NPR1: variants seen among roughly 807,000 people sequenced by gnomAD.
NPR1 encodes the protein atrial natriuretic peptide receptor 1.
NPR1 carries 57 observed loss-of-function variants against 116.9 expected under a neutral mutation model. That is an observed-to-expected ratio of 0.49 (90% confidence interval 0.39 to 0.61). NPR1 has a LOEUF of 0.61. Among genes scored for constraint, NPR1 ranks in the 20% least tolerant of loss-of-function variants. The pLI is 0.00. For synonymous variants in NPR1, 555 were observed against 601.6 expected (o/e 0.92, Z 1.13); for missense variants, 1,096 against 1,409.8 (o/e 0.78, Z 3.56).
chr1:153,682,436 G>C lies in NPR1; in HGVS notation c.1172-62G>C, dbSNP rs1390757757. 7 of 1,199,988 alleles carry C rather than the reference G, an allele frequency of 5.8e-6. No individual in the cohort carries two copies. The African/African-American group carries it at 1.0e-4, about 18-fold the overall frequency. The allele number at this position is 1,199,988 out of a possible 1,614,324, so 74.3% of individuals were successfully genotyped here. The stretch of plus-strand genomic sequence containing the variant: ...AAAAAAGATTAGAGGATGAAGAGAT[G>C]AAGTGGGGCACCCCTGAACTTCTAT... On this transcript the variant is annotated intron_variant, in intron 4 of 21. Coordinates refer to ENST00000368680, the MANE Select transcript of NPR1 (RefSeq NM_000906.4).
Position 153,681,843 on chromosome 1 carries a change from A to G in NPR1, c.1171+4A>G. 1 of 1,613,472 alleles carries G rather than the reference A, an allele frequency of 6.2e-7. No individual in the cohort carries two copies. Among genetic ancestry groups the G allele is most frequent in the Non-Finnish European group, 8.5e-7 (1 of 1,179,746 alleles). ...ATGTGGAACCGAAGCTTTCAAGGTC[A>G]GGGCCTGGAGGTGGCTGGAATGGGC... is the stretch of plus-strand genomic sequence containing the variant. On this transcript the variant is annotated splice_donor_region_variant and intron_variant, in intron 4 of 21. Coordinates refer to ENST00000368680, the MANE Select transcript of NPR1 (RefSeq NM_000906.4).
At chr1:153,686,307 G>A in intron 10 of NPR1, 107 bp downstream of exon 10, 1 of 1,101,722 alleles carries the variant, frequency 9.1e-7, no homozygotes, top group South Asian at 1.3e-5. Flanking sequence ...CCCCAAGAAA[G>A]GGGCAGGGAC....
At position 153,687,706 on chromosome 1, in the gene NPR1, T is replaced by C; in HGVS notation, c.2165T>C (p.Val722Ala). ...GTGCGGGGCTCCCAGGCTGGTGACG[T>C]ATACAGCTTTGGGATCATCCTTCAG... Reference protein sequence around the residue: ...PPVRGSQAGDVYSFGIILQEI... With the variant: ...PPVRGSQAGDAYSFGIILQEI... Residue 722 changes from valine to alanine, a missense_variant, in exon 14 of 22, where the codon GTA (valine) becomes GCA (alanine). Coordinates refer to ENST00000368680, the MANE Select transcript of NPR1 (RefSeq NM_000906.4). The C allele has an allele frequency of 6.2e-7, 1 of 1,608,858 alleles. No individual in the cohort carries two copies. The highest frequency in any genetic ancestry group is 1.1e-5 in the South Asian group (1 of 90,948).
intron 6 of NPR1, 113 bp downstream of exon 6, chr1:153,683,624 CT>C: frequency 6.5e-7 from 1 of 1,546,364 alleles, no homozygotes; most frequent in Non-Finnish European, 8.9e-7. Flanking sequence ...AGAATGACTC[CT>C]GCCTTTTTCT....
chr1:153,692,995 GA>G (rs140689578), intron 20 of NPR1, 110 bp from the exon 21 acceptor site: 11 of 860,402 alleles, frequency 1.3e-5, no homozygotes, highest in Admixed American at 2.4e-5. Flanking sequence ...AAGAGGGAGA[GA>G]GGGTACCTGT....
At chr1:153,680,167 C>T (rs1323456002) in intron 1 of NPR1, among the ~76,000 whole-genome samples, 1 of 150,764 alleles carries the variant, frequency 6.6e-6, no homozygotes, top group Non-Finnish European at 1.5e-5. Flanking sequence ...CATTGCGCCT[C>T]ATCCCCTCTC....
Position 153,679,772 on chromosome 1 carries a change from G to T in NPR1, c.664G>T (p.Glu222Ter). Residue 222 changes from glutamate to a stop codon, truncating the protein, a stop_gained, in exon 1 of 22, where the codon GAG (glutamate) becomes TAG (stop). Coordinates refer to ENST00000368680, the MANE Select transcript of NPR1 (RefSeq NM_000906.4). LOFTEE classifies it high-confidence loss of function. The surrounding 1 kb of genome is among the most constrained non-coding windows in gnomAD (Gnocchi z 4.2). ...NITVDHLEFA[E>*]DDLSHYTRLL... ...TACGGTGGACCACCTGGAGTTCGCC[G>T]AGGACGACCTCAGCCACTACACCAG... The T allele has an allele frequency of 6.4e-7, 1 of 1,567,592 alleles. No homozygotes were observed.
chr1:153,678,963 G>A lies in NPR1; in HGVS notation c.-146G>A, dbSNP rs567965890. 2 of 1,075,962 alleles carry A rather than the reference G, an allele frequency of 1.9e-6. No individual in the cohort carries two copies. The highest frequency in any genetic ancestry group is 2.2e-5 in the South Asian group (1 of 45,924). The allele number at this position is 1,075,962 out of a possible 1,614,324, so 66.7% of individuals were successfully genotyped here. On this transcript the variant is annotated 5_prime_UTR_variant, in exon 1 of 22. Coordinates refer to ENST00000368680, the MANE Select transcript of NPR1 (RefSeq NM_000906.4). This position sits in a 1 kb window ranked among gnomAD's most constrained non-coding sequence, Gnocchi z 5.8. ...GCCCAGACCGTCGCAGCTACAGGGGGCCTCGAGCCCCGGGGTGAGCGTCCC... is the reference window on the plus strand; with the variant it reads ...GCCCAGACCGTCGCAGCTACAGGGGACCTCGAGCCCCGGGGTGAGCGTCCC...
intron 19 of NPR1, 66 bp downstream of exon 19, chr1:153,690,046 T>C (rs1271895339): frequency 3.6e-6 from 5 of 1,375,842 alleles, no homozygotes; most frequent in East Asian, 2.6e-5. Context: ...ACTTGTCCCC[T>C]GGCCCAGCCC....
Position 153,686,128 on chromosome 1 carries a change from C to T in NPR1, c.1686C>T (p.Asn562=), listed in dbSNP as rs1669921126. 6.2e-7 allele frequency: 1 copy of T among 1,613,930 alleles called. No individual in the cohort carries two copies. Among genetic ancestry groups the T allele is most frequent in the African/African-American group, 1.3e-5 (1 of 74,932 alleles). The change falls in exon 10 of 22, where the codon AAC becomes AAT. Residue 562 remains asparagine, a synonymous_variant. Coordinates refer to ENST00000368680, the MANE Select transcript of NPR1 (RefSeq NM_000906.4). ...AGTCTCCATTCCATGCCCAGGGCAA[C>T]CTCGTGGCTGTGAAACGTGTGAACC... ...VFAKTAYYKG[N]LVAVKRVNRK...
intron 3 of NPR1, 72 bp downstream of exon 3, chr1:153,681,365 T>A: frequency 1.1e-6 from 1 of 872,174 alleles, no homozygotes; most frequent in Non-Finnish European, 1.9e-6. Context: ...CCAGCCTCCA[T>A]CCTTCCCTAT....
At chr1:153,683,863 C>G in intron 7 of NPR1, 39 bp downstream of exon 7, 1 of 1,582,416 alleles carries the variant, frequency 6.3e-7, no homozygotes, top group Non-Finnish European at 8.7e-7. Flanking sequence ...GGCTGGGGGA[C>G]CCGGAGAACC....
At position 153,679,940 on chromosome 1, in the gene NPR1, G is replaced by T; in HGVS notation, c.721+111G>T. 5.0e-6 allele frequency: 7 copies of T among 1,393,106 alleles called. No homozygotes were observed. The highest frequency in any genetic ancestry group is 6.7e-6 in the Non-Finnish European group (7 of 1,046,552). The allele number at this position is 1,393,106 out of a possible 1,614,324, so 86.3% of individuals were successfully genotyped here. A position where few individuals can be genotyped will look rare whatever the true frequency, so the allele number is the denominator to read the frequency against. ...TCTGGGGGCACTCTTCTTTCTCCTC[G>T]CCGTTCTTCATTCTACTTTCAGCTC... On this transcript the variant is annotated intron_variant, in intron 1 of 21. Coordinates refer to ENST00000368680, the MANE Select transcript of NPR1 (RefSeq NM_000906.4). This position sits in a 1 kb window ranked among gnomAD's most constrained non-coding sequence, Gnocchi z 4.2.
In NPR1 at chr1:153,687,104, C is replaced by A. The variant is rs1186704091; in HGVS notation, c.1935+17C>A. 1 of 1,614,040 alleles carries A rather than the reference C, an allele frequency of 6.2e-7. No homozygotes were observed. The highest frequency in any genetic ancestry group is 1.3e-5 in the African/African-American group (1 of 75,020). On this transcript the variant is annotated intron_variant, in intron 12 of 21. Coordinates refer to ENST00000368680, the MANE Select transcript of NPR1 (RefSeq NM_000906.4). ...ATCGTCAAGGTATGCCCCTAAGCACCTATTGGATGTGTAGAGCAGGGGCCA... is the reference window on the plus strand; with the variant it reads ...ATCGTCAAGGTATGCCCCTAAGCACATATTGGATGTGTAGAGCAGGGGCCA...
At position 153,693,337 on chromosome 1, in the gene NPR1, CTT is replaced by C. The variant is rs746090905; in HGVS notation, c.3124-10_3124-9del. ...CATGTGCCACTCCCCAGCCCATCCT[CTT>C]TTTTCCCTCCAGGGCAAAGGCAAGG... On this transcript the variant is annotated splice_polypyrimidine_tract_variant and intron_variant, in intron 21 of 21. Transcript: ENST00000368680. The C allele has an allele frequency of 1.2e-6, 2 of 1,612,606 alleles. No individual in the cohort carries two copies. Among genetic ancestry groups the C allele is most frequent in the East Asian group, 4.5e-5 (2 of 44,840 alleles).
At chr1:153,692,943 A>G (rs1181550254) in intron 20 of NPR1, among the ~76,000 whole-genome samples, 163 bp from the exon 21 acceptor site, 1 of 152,188 alleles carries the variant, frequency 6.6e-6, no homozygotes, top group African/African-American at 2.4e-5. Context: ...CACTACATTC[A>G]GGGGGTGGGG....
chr1:153,682,057 T>C (rs1457268151), intron 4 of NPR1, among the ~76,000 whole-genome samples: 2 of 150,100 alleles, frequency 1.3e-5, no homozygotes, highest in African/African-American at 5.0e-5. Context: ...TTCTTTTTCT[T>C]TTTTCTTTTT....
chr1:153,687,404 T>C (rs749728737), intron 13 of NPR1, 48 bp downstream of exon 13: 1 of 1,594,704 alleles, frequency 6.3e-7, no homozygotes, highest in Non-Finnish European at 8.6e-7. Context: ...CACCACCCAG[T>C]AGGGAGACTG....
intron 7 of NPR1, among the ~76,000 whole-genome samples, chr1:153,684,368 TAC>T (rs1472386247): frequency 3.3e-5 from 5 of 150,476 alleles, no homozygotes; most frequent in Non-Finnish European, 5.9e-5. Context: ...CACTTCCACG[TAC>T]ACTATTTCTT....
Sources: allele counts gnomAD v4.1 joint callset (sites outside exome capture counted in the v4.1 genomes callset), GRCh38; gene constraint gnomAD v4.1.1; non-coding constraint Gnocchi (gnomAD v3.1); transcripts MANE v1.5; gene names NCBI Gene and HGNC (gene_info 2026-07-23, HGNC 2026-07-21).